The following ANO3 variants were observed in gnomAD, a reference collection of about 807,000 sequenced individuals.
ANO3 encodes the protein anoctamin-3.
ANO3 carries 99 observed loss-of-function variants against 144.8 expected under a neutral mutation model. The ratio of observed to expected loss-of-function variants is 0.68; its 90% CI spans 0.58 to 0.81. ANO3 has a LOEUF of 0.81. ANO3 is among the 30% of genes least tolerant of loss of function. ANO3 has a pLI of 0.00. For missense variants in ANO3, 905 were observed against 1,202.2 expected (o/e 0.75, Z 3.66); for synonymous variants, 414 against 392.6 (o/e 1.05, Z -0.64).
chr11:26,204,746 T>C (rs1170304629), intron 1 of ANO3, among the ~76,000 whole-genome samples: 1 of 152,116 alleles, frequency 6.6e-6, no homozygotes, highest in African/African-American at 2.4e-5. Context: ...GTTCTTATTC[T>C]TCCCTTTTAT....
chr11:26,615,052 T>A (rs922730623), intron 17 of ANO3, among the ~76,000 whole-genome samples: 16 of 151,380 alleles, frequency 1.1e-4, no homozygotes, highest in African/African-American at 3.1e-4. Context: ...TTCGGATCAT[T>A]TGAATATTTA....
intron 4 of ANO3, chr11:26,474,148 A>T (rs1350237790): frequency 1.0e-6 from 1 of 959,560 alleles, no homozygotes; most frequent in East Asian, 1.2e-4. Flanking sequence ...AAAGTGCATC[A>T]ATCTAGGAAT....
intron 1 of ANO3, among the ~76,000 whole-genome samples, chr11:26,243,457 C>T (rs929550326): frequency 5.5e-5 from 8 of 144,288 alleles, no homozygotes; most frequent in Middle Eastern, 3.8e-3. Context: ...AAGAGAGCTG[C>T]AATAAAGAAA....
intron 1 of ANO3, among the ~76,000 whole-genome samples, chr11:26,375,524 A>G (rs1856381513): frequency 6.6e-6 from 1 of 152,178 alleles, no homozygotes; most frequent in Admixed American, 6.5e-5. Context: ...GCCAGAATGA[A>G]TCGGTGAGTT....
At chr11:26,530,467 A>G (rs1289195498) in intron 7 of ANO3, among the ~76,000 whole-genome samples, 1 of 62,626 alleles carries the variant, frequency 1.6e-5, no homozygotes, top group African/African-American at 5.0e-5. Flanking sequence ...CTGTCTATCT[A>G]TCTATCTATC....
At chr11:26,277,780 G>T (rs1312795177) in intron 1 of ANO3, among the ~76,000 whole-genome samples, 1 of 150,862 alleles carries the variant, frequency 6.6e-6, no homozygotes, top group Non-Finnish European at 1.5e-5. Context: ...TTTCCTACTT[G>T]TACCTTGAAC....
At position 26,342,232 on chromosome 11, in the gene ANO3, T is replaced by C. The variant is rs187582173; in HGVS notation, c.46+9911T>C. On this transcript the variant is annotated intron_variant, in intron 1 of 26. Coordinates refer to ENST00000256737, the MANE Select transcript of ANO3 (RefSeq NM_031418.4). Reference sequence around the variant, plus strand: ...AACTCTGTATGAATATTACCTCCTATAGGGACTGCTATATAGTAGGCTAAA... The same window carrying C: ...AACTCTGTATGAATATTACCTCCTACAGGGACTGCTATATAGTAGGCTAAA... Among the ~76,000 whole-genome samples, 361 of 152,276 alleles carry C rather than the reference T, an allele frequency of 2.4e-3. 1 individual carries two copies. The highest frequency in any genetic ancestry group is 8.2e-3 in the African/African-American group (341 of 41,566).
intron 4 of ANO3, among the ~76,000 whole-genome samples, chr11:26,502,164 T>C (rs1009241401): frequency 7.2e-5 from 11 of 152,102 alleles, no homozygotes; most frequent in African/African-American, 2.4e-4. Flanking sequence ...AGTAAAAGGG[T>C]TAATTTGGAT....
chr11:26,289,668 TATGTACATATACACAC>T (rs1479728901), intron 1 of ANO3, among the ~76,000 whole-genome samples: 36 of 98,008 alleles, frequency 3.7e-4, no homozygotes, highest in African/African-American at 9.8e-4. Flanking sequence ...TATGTGTGTA[TATGTACATATACACAC>T]ATATATTCTA....
chr11:26,461,282 C>T (rs1859386877), intron 3 of ANO3, among the ~76,000 whole-genome samples: 1 of 152,034 alleles, frequency 6.6e-6, no homozygotes, highest in East Asian at 1.9e-4. Flanking sequence ...GTTTCTTTCA[C>T]GCTTAGGTAA....
intron 9 of ANO3, among the ~76,000 whole-genome samples, chr11:26,535,527 T>C (rs1289495737): frequency 6.7e-6 from 1 of 149,360 alleles, no homozygotes; most frequent in Non-Finnish European, 1.5e-5. Context: ...TTTATTAAAA[T>C]TGAGTGCTAT....
chr11:26,438,674 G>A (rs1858396395), intron 1 of ANO3, among the ~76,000 whole-genome samples: 1 of 151,186 alleles, frequency 6.6e-6, no homozygotes, highest in Non-Finnish European at 1.5e-5. Context: ...GCTACTCGGG[G>A]GGCTGGGGCA....
rs559439188 is a variant in ANO3 at position 26,494,234 on chromosome 11, G to GTA, written c.433-13859_433-13858dup. ...AATATATATTCATATATATGTGTGT[G>GTA]TATATATATATAATTAAAATTTGAG... On this transcript the variant is annotated intron_variant, in intron 4 of 26. Transcript: ENST00000256737. Among the ~76,000 whole-genome samples, 791 of 150,802 alleles carry GTA rather than the reference G, an allele frequency of 5.2e-3. 14 individuals are homozygous for GTA. Among genetic ancestry groups the GTA allele is most frequent in the African/African-American group, 0.019 (768 of 41,140 alleles).
intron 3 of ANO3, among the ~76,000 whole-genome samples, chr11:26,451,872 A>G (rs1362600668): frequency 1.3e-5 from 2 of 152,042 alleles, no homozygotes; most frequent in Admixed American, 1.3e-4. Context: ...ATGGCCGGGT[A>G]CTCCTCTGAG....
intron 1 of ANO3, among the ~76,000 whole-genome samples, chr11:26,191,822 T>A (rs1851484108): frequency 6.6e-6 from 1 of 152,200 alleles, no homozygotes; most frequent in Non-Finnish European, 1.5e-5. Flanking sequence ...AAGGGATTTT[T>A]TTTCCTGTTG....
chr11:26,589,487 A>G (rs1481516450), intron 14 of ANO3, among the ~76,000 whole-genome samples: 1 of 151,514 alleles, frequency 6.6e-6, no homozygotes, highest in Non-Finnish European at 1.5e-5. Flanking sequence ...GTCCAATTCA[A>G]TGGGTTTTTT....
At chr11:26,495,691 G>T (rs1458027394) in intron 4 of ANO3, among the ~76,000 whole-genome samples, 1 of 152,154 alleles carries the variant, frequency 6.6e-6, no homozygotes, top group Non-Finnish European at 1.5e-5. Context: ...GAAAGGAAAG[G>T]AGAACATAGG....
At chr11:26,293,611 T>G (rs1333541328) in intron 1 of ANO3, among the ~76,000 whole-genome samples, 1 of 143,472 alleles carries the variant, frequency 7.0e-6, no homozygotes, top group Admixed American at 7.1e-5. Flanking sequence ...TTGTCATATG[T>G]AGAAGAAATC....
intron 1 of ANO3, among the ~76,000 whole-genome samples, chr11:26,349,916 G>A (rs1341559435): frequency 6.6e-6 from 1 of 152,136 alleles, no homozygotes; most frequent in Non-Finnish European, 1.5e-5. Context: ...GAAGAGCCTT[G>A]ACAGTAGCAG....
Sources: gnomAD v4.1 joint callset for allele counts (sites outside exome capture counted in the v4.1 genomes callset) on GRCh38, gnomAD v4.1.1 for gene constraint, MANE v1.5 for transcripts, NCBI Gene and HGNC (gene_info 2026-07-23, HGNC 2026-07-21) for gene names.